NEIL3: variants seen among roughly 807,000 people sequenced by gnomAD.
The protein encoded by NEIL3 is nei like DNA glycosylase 3, also known as endonuclease 8-like 3.
A neutral mutation model predicts 57.5 loss-of-function variants in NEIL3; 48 were observed. The observed-to-expected ratio is 0.83, with a 90% confidence interval of 0.66 to 1.06. The LOEUF is 1.06. Ranked by LOEUF, NEIL3 falls within the 50% of genes least tolerant of loss-of-function variation. The pLI is 0.00. For synonymous variants in NEIL3, 261 were observed against 253.2 expected (o/e 1.03, Z -0.29); for missense variants, 717 against 739.1 (o/e 0.97, Z 0.35).
At chr4:177,334,885 C>T (rs1346970721) in intron 2 of NEIL3, among the ~76,000 whole-genome samples, 3 of 152,186 alleles carry the variant, frequency 2.0e-5, no homozygotes, top group Non-Finnish European at 4.4e-5. Flanking sequence ...TTTTGATCTT[C>T]ATCATCAGAG....
rs570909293 is a variant in NEIL3 at position 177,353,573 on chromosome 4, G to C, written c.1305G>C (p.Lys435Asn). Reference protein sequence around the residue: ...CLNDIQHPSKKTTNDITQPSS... With the variant: ...CLNDIQHPSKNTTNDITQPSS... ...ATGATATACAGCACCCCTCCAAGAAGACAACAAACGATATAACTCAACCAT... is the reference window on the plus strand; with the variant it reads ...ATGATATACAGCACCCCTCCAAGAACACAACAAACGATATAACTCAACCAT... Residue 435 changes from lysine to asparagine, a missense_variant, in exon 8 of 10, where the codon AAG becomes AAC. Coordinates refer to ENST00000264596, the MANE Select transcript of NEIL3 (RefSeq NM_018248.3). The C allele has an allele frequency of 1.5e-5, 24 of 1,612,706 alleles. No individual in the cohort carries two copies. In the East Asian group the frequency reaches 4.2e-4, roughly 28 times the overall value.
intron 1 of NEIL3, among the ~76,000 whole-genome samples, chr4:177,312,624 T>C (rs1734498368): frequency 6.6e-6 from 1 of 152,192 alleles, no homozygotes; most frequent in Non-Finnish European, 1.5e-5. Context: ...TAACATCACT[T>C]GGCAGCAATA....
At chr4:177,367,066 T>G (rs1735701956), downstream of NEIL3, among the ~76,000 whole-genome samples, 1 of 152,212 alleles carries the variant, frequency 6.6e-6, no homozygotes, top group African/African-American at 2.4e-5. Flanking sequence ...TGGGAGCATG[T>G]ATAATTGATT....
intron 2 of NEIL3, among the ~76,000 whole-genome samples, chr4:177,323,394 A>G (rs1734724082): frequency 6.6e-6 from 1 of 152,202 alleles, no homozygotes; most frequent in Admixed American, 6.5e-5. Flanking sequence ...CCTGGACCCC[A>G]TGCTAACCAA....
intron 1 of NEIL3, among the ~76,000 whole-genome samples, chr4:177,320,498 A>G (rs1319546637): frequency 1.2e-4 from 14 of 119,098 alleles, no homozygotes; most frequent in African/African-American, 4.7e-4. Context: ...TTTTTTTTGA[A>G]ACGGAGTCTC....
chr4:177,326,060 T>TA (rs145698328), intron 2 of NEIL3, among the ~76,000 whole-genome samples: 10,898 of 152,220 alleles, frequency 0.072, 599 homozygotes, highest in East Asian at 0.28. Flanking sequence ...AAACCTAATT[T>TA]ATCAAATTTT....
chr4:177,334,175 G>A (rs766704813), intron 2 of NEIL3, among the ~76,000 whole-genome samples: 33 of 150,862 alleles, frequency 2.2e-4, no homozygotes, highest in Admixed American at 1.2e-3. Flanking sequence ...AATTGTTGTC[G>A]CAGTATAGAT....
chr4:177,316,103 T>TATTGCTATTAATC (rs1734569413), intron 1 of NEIL3, among the ~76,000 whole-genome samples: 3 of 152,164 alleles, frequency 2.0e-5, no homozygotes, highest in Non-Finnish European at 4.4e-5. Context: ...AGTAGGAGAT[T>TATTGCTATTAATC]AATAGCAATA....
chr4:177,350,740 T>A (rs1237936958), intron 6 of NEIL3, among the ~76,000 whole-genome samples: 1 of 152,110 alleles, frequency 6.6e-6, no homozygotes, highest in Non-Finnish European at 1.5e-5. Flanking sequence ...TCATTTTGTT[T>A]GGGAAAAAAG....
chr4:177,331,285 A>G (rs1734880470), intron 2 of NEIL3, among the ~76,000 whole-genome samples: 1 of 151,864 alleles, frequency 6.6e-6, no homozygotes, highest in Non-Finnish European at 1.5e-5. Flanking sequence ...ATCTATATTC[A>G]GGTTCACTTA....
At chr4:177,354,067 G>A (rs180804354) in intron 8 of NEIL3, 104 of 200,268 alleles carry the variant, frequency 5.2e-4, no homozygotes, top group Middle Eastern at 3.8e-3. Context: ...ATGCCCGGCT[G>A]GTTGCATTAA....
downstream of NEIL3, among the ~76,000 whole-genome samples, chr4:177,363,692 T>G (rs6858636): frequency 6.6e-6 from 1 of 152,224 alleles, no homozygotes; most frequent in African/African-American, 2.4e-5. Flanking sequence ...TAAATGAAAC[T>G]ATAGGTTATA....
At chr4:177,369,393 G>A in the NEIL3 span, among the ~76,000 whole-genome samples, 11 of 152,116 alleles carry the variant, frequency 7.2e-5, no homozygotes, top group Non-Finnish European at 1.2e-4. Flanking sequence ...AGGAAAATGG[G>A]GAGATAAATG....
At position 177,309,877 on chromosome 4, in the gene NEIL3, G is replaced by A. The variant is rs530044115; in HGVS notation, c.-77G>A. 28 of 1,526,274 alleles carry A rather than the reference G, an allele frequency of 1.8e-5. No homozygotes were observed. In the South Asian group the frequency reaches 2.5e-4, roughly 14 times the overall value. 94.5% of individuals were successfully genotyped at this position (1,526,274 alleles called of 1,614,324 possible). A position where few individuals can be genotyped will look rare whatever the true frequency, so the allele number is the denominator to read the frequency against. ...TGAATTTCCTCTGCGTGCGGTCAGT[G>A]CCCGCGCAGCGTTGAGTTGCACAGC... On this transcript the variant is annotated 5_prime_UTR_variant, in exon 1 of 10. Coordinates refer to ENST00000264596, the MANE Select transcript of NEIL3 (RefSeq NM_018248.3).
At position 177,339,654 on chromosome 4, in the gene NEIL3, T is replaced by C. The variant is rs34430000; in HGVS notation, c.628-129T>C. 1,762 of 650,412 alleles carry C rather than the reference T, an allele frequency of 2.7e-3. 16 individuals carry two copies. The African/African-American group carries it at 0.028, about 10-fold the overall frequency. 40.3% of individuals were successfully genotyped at this position (650,412 alleles called of 1,614,324 possible). On this transcript the variant is annotated intron_variant, in intron 4 of 9. Coordinates refer to ENST00000264596, the MANE Select transcript of NEIL3 (RefSeq NM_018248.3). Reference sequence around the variant, plus strand: ...AGTGGACCCTCCCAGTTCAAACCCATGTTGTTCAAAGGTCAGCTGTATTCA... The same window carrying C: ...AGTGGACCCTCCCAGTTCAAACCCACGTTGTTCAAAGGTCAGCTGTATTCA...
Position 177,309,964 on chromosome 4 carries a change from G to A in NEIL3, c.11G>A (p.Gly4Glu). The change falls in exon 1 of 10, where the codon GGA becomes GAA. Residue 4 changes from glycine to glutamate, a missense_variant. Gly to Glu is a moderately conservative substitution (Grantham distance 98). Coordinates refer to ENST00000264596, the MANE Select transcript of NEIL3 (RefSeq NM_018248.3). MVE[G>E]PGCTLNGEKI... ...GTGCCGGCCACAGAGATGGTGGAAGGACCAGGCTGTACTCTGAATGGAGAG... is the reference window on the plus strand; with the variant it reads ...GTGCCGGCCACAGAGATGGTGGAAGAACCAGGCTGTACTCTGAATGGAGAG... 1 of 1,609,068 alleles carries A rather than the reference G, an allele frequency of 6.2e-7. No individual in the cohort carries two copies. Among genetic ancestry groups the A allele is most frequent in the African/African-American group, 1.3e-5 (1 of 74,784 alleles).
At chr4:177,367,378 G>A (rs1042899727), downstream of NEIL3, among the ~76,000 whole-genome samples, 8 of 143,614 alleles carry the variant, frequency 5.6e-5, no homozygotes, top group Non-Finnish European at 1.1e-4. Context: ...GAGCCCTTGC[G>A]ATGCAGTTCT....
chr4:177,331,357 T>C (rs930816709), intron 2 of NEIL3, among the ~76,000 whole-genome samples: 1 of 151,988 alleles, frequency 6.6e-6, no homozygotes, highest in Non-Finnish European at 1.5e-5. Context: ...TTCTCCCTGC[T>C]ATCATGTATT....
chr4:177,338,530 G>A (rs1472732377), intron 4 of NEIL3, among the ~76,000 whole-genome samples: 4 of 151,966 alleles, frequency 2.6e-5, no homozygotes, highest in Non-Finnish European at 4.4e-5. Context: ...AACCTGTGTC[G>A]TTGAAGGGTC....
Sources: allele counts gnomAD v4.1 joint callset (sites outside exome capture counted in the v4.1 genomes callset), GRCh38; gene constraint gnomAD v4.1.1; transcripts MANE v1.5; gene names NCBI Gene and HGNC (gene_info 2026-07-23, HGNC 2026-07-21).